Variants in GPC6 observed in about 807,000 individuals in gnomAD.
The protein encoded by GPC6 is glypican-6.
In GPC6, 14 loss-of-function variants were observed where a neutral mutation model predicts 55.2. The observed-to-expected ratio is 0.25, with a 90% CI of 0.17 to 0.40. The LOEUF is 0.40. GPC6 is among the 10% of genes least tolerant of loss of function. The probability of loss-of-function intolerance (pLI) is 1.00; values close to 1 mark genes in which losing one functional copy is unlikely to be tolerated. For missense variants in GPC6, 641 were observed against 708.5 expected, an observed-to-expected ratio of 0.90 and a Z score of 1.08; for synonymous variants, 278 against 259.6, an observed-to-expected ratio of 1.07 and a Z score of -0.68.
chr13:93,986,693 G>C (rs1881048234), intron 3 of GPC6, among the ~76,000 whole-genome samples: 6 of 152,148 alleles, frequency 3.9e-5, no homozygotes, highest in Admixed American at 3.9e-4. Flanking sequence ...AGAGTATGAA[G>C]AATAAAATGA....
chr13:93,367,158 T>A (rs545457630), intron 1 of GPC6, among the ~76,000 whole-genome samples: 1 of 152,218 alleles, frequency 6.6e-6, no homozygotes, highest in South Asian at 2.1e-4. Flanking sequence ...AGGTGCACAT[T>A]CAGAATACCT....
At chr13:93,650,128 A>T (rs1028054622) in intron 2 of GPC6, among the ~76,000 whole-genome samples, 1 of 152,160 alleles carries the variant, frequency 6.6e-6, no homozygotes, top group Non-Finnish European at 1.5e-5. Context: ...GCTACAATTC[A>T]AATAATCTAC....
chr13:93,347,624 G>A (rs1165810422), intron 1 of GPC6, among the ~76,000 whole-genome samples: 2 of 152,124 alleles, frequency 1.3e-5, no homozygotes, highest in African/African-American at 4.8e-5. Flanking sequence ...AGTATGGAAG[G>A]TCTTCCTTTC....
At chr13:93,894,473 T>G (rs1250941506) in intron 3 of GPC6, among the ~76,000 whole-genome samples, 1 of 152,110 alleles carries the variant, frequency 6.6e-6, no homozygotes, top group Non-Finnish European at 1.5e-5. Context: ...CTACTTATTT[T>G]CCACATATGC....
At chr13:94,211,807 A>G (rs1890087421) in intron 4 of GPC6, among the ~76,000 whole-genome samples, 1 of 152,228 alleles carries the variant, frequency 6.6e-6, no homozygotes, top group African/African-American at 2.4e-5. Context: ...GAAAAAGCCA[A>G]TGCAATTTCC....
chr13:93,569,433 G>T (rs1876291927), intron 2 of GPC6, among the ~76,000 whole-genome samples: 1 of 152,052 alleles, frequency 6.6e-6, no homozygotes, highest in African/African-American at 2.4e-5. Flanking sequence ...GCATTAAAGA[G>T]AATTTCAATC....
intron 7 of GPC6, among the ~76,000 whole-genome samples, chr13:94,394,598 A>G (rs1195590672): frequency 6.6e-6 from 1 of 152,206 alleles, no homozygotes; most frequent in Admixed American, 6.5e-5. Context: ...TGAGGTCCTC[A>G]TGCTGAGTGG....
At chr13:94,206,191 C>T (rs187122431) in intron 4 of GPC6, among the ~76,000 whole-genome samples, 1 of 152,252 alleles carries the variant, frequency 6.6e-6, no homozygotes, top group African/African-American at 2.4e-5. Flanking sequence ...AATAGAAAAG[C>T]TCGATCAGGA....
intron 2 of GPC6, among the ~76,000 whole-genome samples, chr13:93,666,263 A>G (rs186500053): frequency 1.6e-4 from 24 of 152,288 alleles, no homozygotes; most frequent in Non-Finnish European, 2.9e-5. Flanking sequence ...TCTTGCCACA[A>G]ATTTCCCAAT....
chr13:93,536,391 AT>A (rs997738183), intron 1 of GPC6, among the ~76,000 whole-genome samples: 1 of 151,884 alleles, frequency 6.6e-6, no homozygotes, highest in Middle Eastern at 3.4e-3. Context: ...GTAACTCTCC[AT>A]TTTCTCCTGC....
intron 3 of GPC6, among the ~76,000 whole-genome samples, chr13:93,843,221 G>C (rs553631003): frequency 6.6e-6 from 1 of 151,736 alleles, no homozygotes; most frequent in Non-Finnish European, 1.5e-5. Flanking sequence ...AAAACAGTTG[G>C]CTCACATCGT....
At chr13:94,183,338 T>C (rs1434868367) in intron 4 of GPC6, among the ~76,000 whole-genome samples, 1 of 152,218 alleles carries the variant, frequency 6.6e-6, no homozygotes, top group Non-Finnish European at 1.5e-5. Flanking sequence ...TTCTTTCACT[T>C]AGCAAAATGT....
At chr13:93,693,376 G>A (rs953434461) in intron 2 of GPC6, among the ~76,000 whole-genome samples, 1 of 151,812 alleles carries the variant, frequency 6.6e-6, no homozygotes, top group Non-Finnish European at 1.5e-5. Context: ...ATAGTAGTAT[G>A]CTCTCCAAGG....
chr13:93,545,016 A>T (rs1874705170), intron 1 of GPC6, among the ~76,000 whole-genome samples: 1 of 152,180 alleles, frequency 6.6e-6, no homozygotes, highest in Non-Finnish European at 1.5e-5. Context: ...CAGTATTTTG[A>T]AGTTTTAATG....
intron 1 of GPC6, among the ~76,000 whole-genome samples, chr13:93,285,337 A>G (rs1878073740): frequency 6.6e-6 from 1 of 152,208 alleles, no homozygotes; most frequent in African/African-American, 2.4e-5. Flanking sequence ...AAAAGTAAAT[A>G]TGCAGACAGA....
chr13:93,954,768 C>T (rs928401725), intron 3 of GPC6, among the ~76,000 whole-genome samples: 1 of 152,182 alleles, frequency 6.6e-6, no homozygotes, highest in African/African-American at 2.4e-5. Flanking sequence ...TTTTGTCCTG[C>T]AGTCTCTAAG....
chr13:93,944,253 G>T (rs1878887326), intron 3 of GPC6, among the ~76,000 whole-genome samples: 1 of 151,428 alleles, frequency 6.6e-6, no homozygotes, highest in Non-Finnish European at 1.5e-5. Context: ...GCCCAGGCTG[G>T]AGTGCAGTGG....
At chr13:94,310,624 G>A (rs1233892907) in intron 6 of GPC6, among the ~76,000 whole-genome samples, 6 of 151,948 alleles carry the variant, frequency 3.9e-5, no homozygotes, top group Admixed American at 1.3e-4. Context: ...CAGTCATTCC[G>A]GAGAGTCCCT....
chr13:93,663,855 A>C (rs1032856442), intron 2 of GPC6, among the ~76,000 whole-genome samples: 2 of 152,158 alleles, frequency 1.3e-5, no homozygotes, highest in African/African-American at 2.4e-5. Flanking sequence ...TTACCTGCAA[A>C]AGAAGTAGCT....
Sources: gnomAD v4.1 joint callset for allele counts (sites outside exome capture counted in the v4.1 genomes callset) on GRCh38, gnomAD v4.1.1 for gene constraint, MANE v1.5 for transcripts, NCBI Gene and HGNC (gene_info 2026-07-23, HGNC 2026-07-21) for gene names.